Variants in DBF4B observed in about 807,000 individuals in gnomAD.
DBF4B encodes the protein protein DBF4 homolog B.
DBF4B carries 49 observed loss-of-function variants against 53.4 expected under a neutral mutation model. That is an observed-to-expected ratio of 0.92 (90% CI 0.73 to 1.16). DBF4B has a LOEUF of 1.16. Among genes scored for constraint, DBF4B ranks in the 50% most tolerant of loss-of-function variants. DBF4B has a pLI of 0.00. For synonymous variants in DBF4B, 257 were observed against 288.7 expected (o/e 0.89, Z 1.11); for missense variants, 692 against 775.0 (o/e 0.89, Z 1.27).
At chr17:44,750,436 GC>G in intron 13 of DBF4B, 158 bp from the exon 14 acceptor site, 1 of 985,376 alleles carries the variant, frequency 1.0e-6, no homozygotes. Flanking sequence ...TGGAAATAGA[GC>G]AACTATGTGT....
chr17:44,709,908 T>C (rs1371536449), intron 2 of DBF4B, among the ~76,000 whole-genome samples: 1 of 151,718 alleles, frequency 6.6e-6, no homozygotes, highest in Non-Finnish European at 1.5e-5. Context: ...GCGCGGCTGC[T>C]CACGCCTGTA....
chr17:44,730,124 C>T (rs779289959), intron 4 of DBF4B, 28 bp downstream of exon 4: 1 of 1,602,840 alleles, frequency 6.2e-7, no homozygotes, highest in Non-Finnish European at 8.5e-7. Context: ...GAAAGGTATG[C>T]TGTGTAAACA....
At position 44,751,598 on chromosome 17, in the gene DBF4B, T is replaced by A; in HGVS notation, c.*345T>A. ...CCTCTGCCCCAAAATGCCATGCTCC[T>A]CTCCTGGAAAACACTTGAGTTGATT... On this transcript the variant is annotated 3_prime_UTR_variant, in exon 14 of 14. Transcript: ENST00000315005. 1 of 1,344,410 alleles carries A rather than the reference T, an allele frequency of 7.4e-7. No individual in the cohort carries two copies. Among genetic ancestry groups the A allele is most frequent in the Non-Finnish European group, 9.5e-7 (1 of 1,048,210 alleles). 83.3% of individuals were successfully genotyped at this position (1,344,410 alleles called of 1,614,324 possible).
intron 10 of DBF4B, among the ~76,000 whole-genome samples, chr17:44,744,353 A>G (rs1464979127): frequency 6.6e-6 from 1 of 151,838 alleles, no homozygotes; most frequent in Non-Finnish European, 1.5e-5. Context: ...CAGAGGTTGC[A>G]GTGAGCCAAG....
At chr17:44,732,413 G>A in intron 6 of DBF4B, 148 bp downstream of exon 6, 1 of 870,524 alleles carries the variant, frequency 1.1e-6, no homozygotes, top group Non-Finnish European at 1.8e-6. Context: ...AAAGGTGGGA[G>A]GATGTGGGGA....
chr17:44,718,300 G>A (rs1271554892), intron 2 of DBF4B, among the ~76,000 whole-genome samples: 10 of 151,642 alleles, frequency 6.6e-5, no homozygotes, highest in Admixed American at 5.9e-4. Context: ...GTGTGCGCCT[G>A]TAGTCCCAGC....
chr17:44,709,460 G>T, intron 2 of DBF4B, 94 bp downstream of exon 2: 1 of 1,318,482 alleles, frequency 7.6e-7, no homozygotes, highest in East Asian at 2.3e-5. Context: ...TGGAGTTTTC[G>T]ATCACTCAGT....
chr17:44,737,972 T>G (rs1598835370), intron 8 of DBF4B, among the ~76,000 whole-genome samples: 3 of 152,330 alleles, frequency 2.0e-5, no homozygotes, highest in African/African-American at 7.2e-5. Context: ...AGGAAGGACC[T>G]GGGACTTTGT....
intron 4 of DBF4B, 79 bp from the exon 5 acceptor site, chr17:44,730,886 C>T (rs1974775053): frequency 1.3e-6 from 2 of 1,494,674 alleles, no homozygotes; most frequent in South Asian, 2.3e-5. Flanking sequence ...GACATAACCC[C>T]TCACCAGCTC....
chr17:44,749,615 T>C lies in DBF4B; in HGVS notation c.1190-980T>C, dbSNP rs2145172600. The C allele has an allele frequency of 8.4e-7, 1 of 1,187,556 alleles. No homozygotes were observed. The highest frequency in any genetic ancestry group is 1.1e-6 in the Non-Finnish European group (1 of 940,380). 73.6% of individuals were successfully genotyped at this position (1,187,556 alleles called of 1,614,324 possible). ...CCTCTCCTACCCCTGCCTCCTGCCA[T>C]GTTCCTGACCAGGCAGAGTCTACAG... is the stretch of plus-strand genomic sequence containing the variant. On this transcript the variant is annotated intron_variant, in intron 13 of 13. Transcript: ENST00000315005. This position sits in a 1 kb window ranked among gnomAD's most constrained non-coding sequence, Gnocchi z 4.4.
In DBF4B at chr17:44,751,342, G is replaced by A; in HGVS notation, c.*89G>A. 4 of 1,497,146 alleles carry A rather than the reference G, an allele frequency of 2.7e-6. No homozygotes were observed. Among genetic ancestry groups the A allele is most frequent in the Non-Finnish European group, 3.5e-6 (4 of 1,127,306 alleles). 92.7% of individuals were successfully genotyped at this position (1,497,146 alleles called of 1,614,324 possible). A position where few individuals can be genotyped will look rare whatever the true frequency, so the allele number is the denominator to read the frequency against. ...GTCCCGCAGTGGCTCCTTGGCGTGA[G>A]CACTGCTCAGACTCCTTTCCACTCC... On this transcript the variant is annotated 3_prime_UTR_variant, in exon 14 of 14. Transcript: ENST00000315005.
chr17:44,748,850 A>G (rs1271324997), intron 13 of DBF4B: 4 of 1,291,728 alleles, frequency 3.1e-6, no homozygotes, highest in Admixed American at 4.6e-5. Flanking sequence ...CTTACAGGCC[A>G]TGAGTCCAGG....
In DBF4B at chr17:44,708,678, G is replaced by A. The variant is rs1972584083; in HGVS notation, c.-143G>A. On this transcript the variant is annotated 5_prime_UTR_variant, in exon 1 of 14. Transcript: ENST00000315005. ...GGCAGGAAATTTAAACTGAAGCCGC[G>A]GCCGAAAACGCCAAGAGATTGATGC... is the stretch of plus-strand genomic sequence containing the variant. 9 of 974,248 alleles carry A rather than the reference G, an allele frequency of 9.2e-6. No individual in the cohort carries two copies. Among genetic ancestry groups the A allele is most frequent in the Non-Finnish European group, 7.2e-6 (5 of 699,170 alleles). 60.4% of individuals were successfully genotyped at this position (974,248 alleles called of 1,614,324 possible).
chr17:44,728,333 A>T (rs1230031425), intron 3 of DBF4B, among the ~76,000 whole-genome samples: 1 of 152,150 alleles, frequency 6.6e-6, no homozygotes, highest in Non-Finnish European at 1.5e-5. Flanking sequence ...GGTCCAATCG[A>T]GTCAGATTGA....
intron 2 of DBF4B, among the ~76,000 whole-genome samples, chr17:44,720,838 C>G (rs1384930272): frequency 6.6e-6 from 1 of 151,774 alleles, no homozygotes; most frequent in Admixed American, 6.6e-5. Context: ...TTTCTCATAT[C>G]CTCACCAACA....
chr17:44,743,745 G>A (rs1179241356), intron 10 of DBF4B, among the ~76,000 whole-genome samples: 1 of 151,762 alleles, frequency 6.6e-6, no homozygotes, highest in African/African-American at 2.4e-5. Flanking sequence ...TGAGTGGTTG[G>A]GATTACAGTG....
At chr17:44,738,288 G>C (rs1975659666) in intron 8 of DBF4B, 91 bp from the exon 9 acceptor site, 4 of 1,419,198 alleles carry the variant, frequency 2.8e-6, no homozygotes, top group Non-Finnish European at 2.9e-6. Context: ...GGCTTTGGCA[G>C]AGCCTTCCCT....
chr17:44,734,915 C>T (rs1975215148), intron 7 of DBF4B, among the ~76,000 whole-genome samples: 1 of 152,166 alleles, frequency 6.6e-6, no homozygotes, highest in East Asian at 1.9e-4. Flanking sequence ...ACCAGCCTGG[C>T]CAGTGTGGTG....
intron 2 of DBF4B, among the ~76,000 whole-genome samples, chr17:44,712,378 C>T (rs1419212369): frequency 7.5e-6 from 1 of 133,820 alleles, no homozygotes; most frequent in Admixed American, 8.9e-5. Flanking sequence ...CATCTCGGCT[C>T]ACTGCAACCT....
Sources: gnomAD v4.1 joint callset for allele counts (sites outside exome capture counted in the v4.1 genomes callset) on GRCh38, gnomAD v4.1.1 for gene constraint, Gnocchi (gnomAD v3.1) non-coding constraint, MANE v1.5 for transcripts, NCBI Gene and HGNC (gene_info 2026-07-23, HGNC 2026-07-21) for gene names.